The following PARD3B variants were observed in gnomAD, a reference collection of about 807,000 sequenced individuals.
PARD3B encodes par-3 family cell polarity regulator beta.
A neutral mutation model predicts 130.2 loss-of-function variants in PARD3B; 103 were observed. The ratio of observed to expected loss-of-function variants is 0.79; its 90% CI spans 0.67 to 0.93. The LOEUF is 0.93. Ranked by LOEUF, PARD3B falls within the 40% of genes least tolerant of loss-of-function variation. The probability of loss-of-function intolerance (pLI) is 0.00; values close to 1 mark genes in which losing one functional copy is unlikely to be tolerated. For synonymous variants in PARD3B, 583 were observed against 553.2 expected (o/e 1.05, Z -0.76); for missense variants, 1,609 against 1,499.2 (o/e 1.07, Z -1.21).
At chr2:205,555,459 T>C (rs984006536) in intron 22 of PARD3B, among the ~76,000 whole-genome samples, 1 of 152,202 alleles carries the variant, frequency 6.6e-6, no homozygotes, top group African/African-American at 2.4e-5. Context: ...TTTCCAACTC[T>C]TGTTTATTTT....
At chr2:205,155,017 C>T (rs1367218843) in intron 10 of PARD3B, among the ~76,000 whole-genome samples, 1 of 151,498 alleles carries the variant, frequency 6.6e-6, no homozygotes. Context: ...ACATTGTGCA[C>T]ATGTACTCTA....
intron 2 of PARD3B, among the ~76,000 whole-genome samples, chr2:204,829,581 T>G (rs1015237712): frequency 1.3e-5 from 2 of 152,172 alleles, no homozygotes; most frequent in African/African-American, 4.8e-5. Context: ...AAATCTCATG[T>G]TGAATTGTAA....
At chr2:205,367,322 G>A (rs950855195) in intron 18 of PARD3B, among the ~76,000 whole-genome samples, 1 of 152,178 alleles carries the variant, frequency 6.6e-6, no homozygotes, top group Non-Finnish European at 1.5e-5. Context: ...TGCTATGAAG[G>A]GTGGTGATCA....
At chr2:205,095,712 A>G (rs886085909) in intron 4 of PARD3B, among the ~76,000 whole-genome samples, 2 of 152,128 alleles carry the variant, frequency 1.3e-5, no homozygotes, top group Admixed American at 6.6e-5. Flanking sequence ...GACACCTGGT[A>G]TCAGCTTAAG....
chr2:205,111,501 G>C (rs1219172204), intron 5 of PARD3B, among the ~76,000 whole-genome samples: 1 of 151,960 alleles, frequency 6.6e-6, no homozygotes, highest in East Asian at 1.9e-4. Flanking sequence ...TTACTAAAGA[G>C]TAGGTATCAG....
intron 18 of PARD3B, among the ~76,000 whole-genome samples, chr2:205,394,071 A>G (rs1367831644): frequency 1.3e-5 from 2 of 151,944 alleles, no homozygotes; most frequent in African/African-American, 2.4e-5. Flanking sequence ...TTAATGGTTC[A>G]ATTCTGTGTG....
chr2:205,358,727 C>T (rs2044285506), intron 18 of PARD3B, among the ~76,000 whole-genome samples: 1 of 152,202 alleles, frequency 6.6e-6, no homozygotes. Context: ...CTTTCCCACC[C>T]CCGTCTTTTG....
At position 205,022,366 on chromosome 2, in the gene PARD3B, A is replaced by G. The variant is rs568757244; in HGVS notation, c.395-25215A>G. ...TCAAATTTTCTTACAAATGATCTTT[A>G]GAAATGTATTTTAAATTTCATTCTA... is the stretch of plus-strand genomic sequence containing the variant. On this transcript the variant is annotated intron_variant, in intron 3 of 22. Coordinates refer to ENST00000406610, the MANE Select transcript of PARD3B (RefSeq NM_001302769.2). Among the ~76,000 whole-genome samples the G allele has an allele frequency of 6.0e-4, 91 of 152,366 alleles. 3 individuals are homozygous for G. In the South Asian group the frequency reaches 0.018, roughly 30 times the overall value.
chr2:204,832,849 A>T (rs1251950887), intron 2 of PARD3B, among the ~76,000 whole-genome samples: 1 of 152,192 alleles, frequency 6.6e-6, no homozygotes, highest in Non-Finnish European at 1.5e-5. Flanking sequence ...AATAGAAAAA[A>T]ACAACTATAG....
chr2:204,986,293 A>G (rs758678088), intron 3 of PARD3B, among the ~76,000 whole-genome samples: 22 of 152,072 alleles, frequency 1.4e-4, no homozygotes, highest in Non-Finnish European at 2.9e-4. Context: ...TCAAAAGCAC[A>G]TAGGGCATAA....
intron 1 of PARD3B, among the ~76,000 whole-genome samples, chr2:204,621,808 A>G (rs1327013761): frequency 6.6e-6 from 1 of 152,238 alleles, no homozygotes; most frequent in Non-Finnish European, 1.5e-5. Flanking sequence ...ATCTGGGTCT[A>G]TACAACTTGT....
chr2:204,856,478 A>G (rs1433713228), intron 2 of PARD3B, among the ~76,000 whole-genome samples: 2 of 152,098 alleles, frequency 1.3e-5, no homozygotes, highest in Non-Finnish European at 2.9e-5. Context: ...ATTTTCTCCC[A>G]ATCTAGGTTG....
intron 19 of PARD3B, among the ~76,000 whole-genome samples, chr2:205,418,531 G>A (rs1342643415): frequency 1.3e-5 from 2 of 152,176 alleles, no homozygotes; most frequent in African/African-American, 2.4e-5. Flanking sequence ...AGGCAGCCAT[G>A]AGAAAATAGT....
At chr2:205,255,316 AAC>A (rs1313683290) in intron 16 of PARD3B, among the ~76,000 whole-genome samples, 1 of 152,082 alleles carries the variant, frequency 6.6e-6, no homozygotes, top group Non-Finnish European at 1.5e-5. Flanking sequence ...TAGGGAGAAA[AAC>A]AGTTTTTTTC....
chr2:204,819,187 T>A (rs1330826354), intron 2 of PARD3B, among the ~76,000 whole-genome samples: 1 of 152,226 alleles, frequency 6.6e-6, no homozygotes, highest in Non-Finnish European at 1.5e-5. Flanking sequence ...TTTTTGCAAA[T>A]TGAAGGTTTG....
chr2:204,552,805 CTG>C lies in PARD3B; in HGVS notation c.120+6688_120+6689del, dbSNP rs897945200. On this transcript the variant is annotated intron_variant, in intron 1 of 22. Transcript: ENST00000406610. The stretch of plus-strand genomic sequence containing the variant: ...GTTTGCTTTGTTGAAAATCAGTTGA[CTG>C]TAAGTATTTGGGTTTATTTTTGGGT... Among the ~76,000 whole-genome samples, 126 of 152,306 alleles carry C rather than the reference CTG, an allele frequency of 8.3e-4. 1 individual carries two copies. Among genetic ancestry groups the C allele is most frequent in the African/African-American group, 2.9e-3 (121 of 41,572 alleles).
At chr2:204,720,440 A>G (rs2125318410) in intron 2 of PARD3B, among the ~76,000 whole-genome samples, 1 of 152,318 alleles carries the variant, frequency 6.6e-6, no homozygotes, top group African/African-American at 2.4e-5. Flanking sequence ...ATTGGAATCT[A>G]AGTGAAAACT....
Position 205,421,708 on chromosome 2 carries a change from T to G in PARD3B, c.2742-18662T>G, listed in dbSNP as rs1466908271. Among the ~76,000 whole-genome samples the G allele has an allele frequency of 1.3e-5, 2 of 152,220 alleles. No homozygotes were observed. The highest frequency in any genetic ancestry group is 2.9e-5 in the Non-Finnish European group (2 of 68,044). On this transcript the variant is annotated intron_variant, in intron 19 of 22. Transcript: ENST00000406610. The surrounding 1 kb of genome is among the most constrained non-coding windows in gnomAD (Gnocchi z 5.1). ...CATAAAACAACATAAATTTATTCTCTTAACGTTTTGGAGGCCATAATTCTG... is the reference window on the plus strand; with the variant it reads ...CATAAAACAACATAAATTTATTCTCGTAACGTTTTGGAGGCCATAATTCTG...
At chr2:205,467,162 G>A (rs1385937002) in intron 20 of PARD3B, among the ~76,000 whole-genome samples, 5 of 152,054 alleles carry the variant, frequency 3.3e-5, no homozygotes, top group African/African-American at 7.2e-5. Flanking sequence ...TTTAAATTAC[G>A]TGACCTTTTT....
Sources: allele counts gnomAD v4.1 joint callset (sites outside exome capture counted in the v4.1 genomes callset), GRCh38; gene constraint gnomAD v4.1.1; non-coding constraint Gnocchi (gnomAD v3.1); transcripts MANE v1.5; gene names NCBI Gene and HGNC (gene_info 2026-07-23, HGNC 2026-07-21).